The following HSD17B4 variants were observed in gnomAD, a reference collection of about 807,000 sequenced individuals.
HSD17B4 encodes the protein peroxisomal multifunctional enzyme type 2.
A neutral mutation model predicts 101.0 loss-of-function variants in HSD17B4; 70 were observed. The observed-to-expected ratio is 0.69, with a 90% CI of 0.57 to 0.85. HSD17B4 has a LOEUF of 0.85. HSD17B4 is among the 40% of genes least tolerant of loss of function. The pLI, the probability that HSD17B4 is intolerant of heterozygous loss-of-function variation, is 0.00. For synonymous variants in HSD17B4, 347 were observed against 297.1 expected (o/e 1.17, Z -1.73); for missense variants, 984 against 892.4 (o/e 1.10, Z -1.31).
chr5:119,471,733 T>C, intron 2 of HSD17B4: 1 of 1,165,060 alleles, frequency 8.6e-7, no homozygotes, highest in Non-Finnish European at 1.2e-6. Context: ...TTCCAAGTTA[T>C]TTGGCATTTA....
chr5:119,537,552 T>TG (rs1337952470), intron 23 of HSD17B4, among the ~76,000 whole-genome samples: 1 of 152,146 alleles, frequency 6.6e-6, no homozygotes, highest in African/African-American at 2.4e-5. Flanking sequence ...AAAACCCTAC[T>TG]GTATGGAGCT....
chr5:119,485,739 G>A (rs1028145603), intron 8 of HSD17B4, among the ~76,000 whole-genome samples: 4 of 152,062 alleles, frequency 2.6e-5, no homozygotes, highest in Admixed American at 2.6e-4. Flanking sequence ...GAAAAATAAT[G>A]TGTATAACTT....
intron 1 of HSD17B4, among the ~76,000 whole-genome samples, chr5:119,454,142 A>G (rs1048213588): frequency 6.6e-6 from 1 of 152,198 alleles, no homozygotes; most frequent in Non-Finnish European, 1.5e-5. Flanking sequence ...AGTACAGGCA[A>G]TGCATCCTGA....
At chr5:119,470,560 T>C (rs774762662) in intron 2 of HSD17B4, among the ~76,000 whole-genome samples, 2 of 152,220 alleles carry the variant, frequency 1.3e-5, no homozygotes, top group African/African-American at 4.8e-5. Flanking sequence ...GACTCTTGGG[T>C]GTCCCCCACT....
At chr5:119,458,435 C>T (rs530201733) in intron 2 of HSD17B4, among the ~76,000 whole-genome samples, 26 of 151,660 alleles carry the variant, frequency 1.7e-4, no homozygotes, top group Non-Finnish European at 2.8e-4. Flanking sequence ...CGTCTGCCTC[C>T]GGGTTCAAGC....
chr5:119,538,888 A>G, intron 23 of HSD17B4, among the ~76,000 whole-genome samples: 1 of 152,100 alleles, frequency 6.6e-6, no homozygotes, highest in African/African-American at 2.4e-5. Flanking sequence ...ATTTGTTTAC[A>G]TTTTACTTTT....
intron 1 of HSD17B4, chr5:119,452,846 C>A: frequency 6.5e-7 from 1 of 1,535,606 alleles, no homozygotes; most frequent in Non-Finnish European, 8.7e-7. Flanking sequence ...TCCCCAGCAC[C>A]CCGGTGTGGG....
At chr5:119,488,629 T>C (rs1314862953) in intron 8 of HSD17B4, among the ~76,000 whole-genome samples, 2 of 152,174 alleles carry the variant, frequency 1.3e-5, no homozygotes, top group African/African-American at 4.8e-5. Context: ...TATATTAATT[T>C]TTAAAAAGTT....
chr5:119,460,949 T>C (rs1755167938), intron 2 of HSD17B4, among the ~76,000 whole-genome samples: 1 of 152,130 alleles, frequency 6.6e-6, no homozygotes, highest in South Asian at 2.1e-4. Flanking sequence ...GCAGCAGGCA[T>C]GGTATGTTTT....
rs150453077 is a variant in HSD17B4 at position 119,471,006 on chromosome 5, T to C, written c.113-2902T>C. ...ATTTATCCAGCTTTCAATGCTTGCC[T>C]GCCTGGTTGCGCTTTGTAAAATTTC... On this transcript the variant is annotated intron_variant, in intron 2 of 23. Coordinates refer to ENST00000510025, the MANE Select transcript of HSD17B4 (RefSeq NM_000414.4). 2.9e-3 allele frequency among the ~76,000 whole-genome samples: 449 copies of C among 152,332 alleles called. 1 individual carries two copies. Among genetic ancestry groups the C allele is most frequent in the African/African-American group, 0.01 (432 of 41,578 alleles).
At position 119,541,451 on chromosome 5, in the gene HSD17B4, T is replaced by A. The variant is rs1251045856; in HGVS notation, c.2122-454T>A. Among the ~76,000 whole-genome samples, 3 of 152,222 alleles carry A rather than the reference T, an allele frequency of 2.0e-5. 1 individual carries two copies. Among genetic ancestry groups the A allele is most frequent in the Admixed American group, 6.5e-5 (1 of 15,278 alleles). ...AGGCATTCTGATGCTACAGCTGTGATCTATTCAACATTGTGTTATATTCTC... is the reference window on the plus strand; with the variant it reads ...AGGCATTCTGATGCTACAGCTGTGAACTATTCAACATTGTGTTATATTCTC... On this transcript the variant is annotated intron_variant, in intron 23 of 23. Transcript: ENST00000510025.
intron 2 of HSD17B4, among the ~76,000 whole-genome samples, chr5:119,467,429 T>G (rs1443559016): frequency 6.6e-6 from 1 of 152,260 alleles, no homozygotes; most frequent in Non-Finnish European, 1.5e-5. Context: ...TCTATCTTTC[T>G]CATTAGATCT....
chr5:119,498,500 A>G (rs1396018383), intron 12 of HSD17B4, among the ~76,000 whole-genome samples: 1 of 152,242 alleles, frequency 6.6e-6, no homozygotes, highest in Non-Finnish European at 1.5e-5. Flanking sequence ...AGCTACGCAT[A>G]TTATCACTAA....
chr5:119,537,238 T>C (rs556155933), intron 23 of HSD17B4, among the ~76,000 whole-genome samples: 1 of 152,260 alleles, frequency 6.6e-6, no homozygotes, highest in Admixed American at 6.6e-5. Context: ...TATATGATTT[T>C]CCTGTATAGA....
chr5:119,537,870 G>A (rs561093761), intron 23 of HSD17B4, among the ~76,000 whole-genome samples: 1 of 152,160 alleles, frequency 6.6e-6, no homozygotes. Context: ...GTTAGAATGT[G>A]ACAGGACAGG....
Position 119,492,128 on chromosome 5 carries a change from A to C in HSD17B4, c.739+4A>C, listed in dbSNP as rs769306638. The C allele has an allele frequency of 1.9e-6, 3 of 1,604,158 alleles. No individual in the cohort carries two copies. Among genetic ancestry groups the C allele is most frequent in the Non-Finnish European group, 2.6e-6 (3 of 1,171,308 alleles). On this transcript the variant is annotated splice_donor_region_variant and intron_variant, in intron 10 of 23. Transcript: ENST00000510025. Reference sequence around the variant, plus strand: ...GGAGCAGGATGGATTGGAAAATGTAAGTCTCTCTCAGTTTTTGGTTTGTAT... The same window carrying C: ...GGAGCAGGATGGATTGGAAAATGTACGTCTCTCTCAGTTTTTGGTTTGTAT...
intron 2 of HSD17B4, 38 bp downstream of exon 2, chr5:119,456,406 T>C: frequency 8.7e-7 from 1 of 1,155,402 alleles, no homozygotes; most frequent in Non-Finnish European, 1.3e-6. Flanking sequence ...CTGTAGCTGA[T>C]AACTGAAATA....
intron 8 of HSD17B4, among the ~76,000 whole-genome samples, chr5:119,484,091 A>C (rs1749389917): frequency 6.6e-6 from 1 of 152,016 alleles, no homozygotes; most frequent in Non-Finnish European, 1.5e-5. Context: ...GCCTGTGGTC[A>C]CAGCTACTTG....
chr5:119,497,686 C>G (rs1750771491), intron 12 of HSD17B4, among the ~76,000 whole-genome samples: 1 of 152,000 alleles, frequency 6.6e-6, no homozygotes, highest in Admixed American at 6.5e-5. Context: ...AATTTTGAAA[C>G]TTTTTTCACA....
Sources: gnomAD v4.1 joint callset for allele counts (sites outside exome capture counted in the v4.1 genomes callset) on GRCh38, gnomAD v4.1.1 for gene constraint, MANE v1.5 for transcripts, NCBI Gene and HGNC (gene_info 2026-07-23, HGNC 2026-07-21) for gene names.